Variants in HEPACAM observed in about 807,000 individuals in gnomAD.
HEPACAM encodes the protein hepatic and glial cell adhesion molecule, also known as hepatocyte cell adhesion molecule.
HEPACAM carries 18 observed loss-of-function variants against 38.3 expected under a neutral mutation model. The observed-to-expected ratio is 0.47, with a 90% CI of 0.33 to 0.70. The LOEUF is 0.70. HEPACAM is among the 30% of genes least tolerant of loss of function. The pLI, the probability that HEPACAM is intolerant of heterozygous loss-of-function variation, is 0.03. For synonymous variants in HEPACAM, 216 were observed against 243.1 expected (o/e 0.89, Z 1.04); for missense variants, 466 against 563.0 (o/e 0.83, Z 1.74).
In HEPACAM at chr11:124,920,900, G is replaced by T; in HGVS notation, c.*238C>A. ...TAAGAGGGCACAACCTATACCAAGT[G>T]AGGACACAGCCAGTAAACCGGAAGC... On this transcript the variant is annotated 3_prime_UTR_variant, in exon 7 of 7. Coordinates refer to ENST00000298251, the MANE Select transcript of HEPACAM (RefSeq NM_152722.5). The T allele has an allele frequency of 7.4e-7, 1 of 1,350,860 alleles. No homozygotes were observed. Among genetic ancestry groups the T allele is most frequent in the African/African-American group, 1.5e-5 (1 of 64,924 alleles). The allele number at this position is 1,350,860 out of a possible 1,614,324, so 83.7% of individuals were successfully genotyped here.
intron 5 of HEPACAM, 124 bp from the exon 6 acceptor site, chr11:124,922,582 C>T: frequency 1.2e-6 from 2 of 1,603,694 alleles, no homozygotes; most frequent in South Asian, 1.1e-5. Flanking sequence ...AATATCCTGG[C>T]TCCTACCTTG....
chr11:124,931,104 A>G (rs1336440573), intron 1 of HEPACAM, among the ~76,000 whole-genome samples: 2 of 152,266 alleles, frequency 1.3e-5, no homozygotes, highest in African/African-American at 4.8e-5. Flanking sequence ...TAAAAGGCTC[A>G]TATGCAAAAT....
chr11:124,920,569 T>TC lies in HEPACAM; in HGVS notation c.*568dup, dbSNP rs1947115223. 6 of 1,281,500 alleles carry TC rather than the reference T, an allele frequency of 4.7e-6. No homozygotes were observed. In the Admixed American group the frequency reaches 9.3e-5, roughly 20 times the overall value. The allele number at this position is 1,281,500 out of a possible 1,614,324, so 79.4% of individuals were successfully genotyped here. A position where few individuals can be genotyped will look rare whatever the true frequency, so the allele number is the denominator to read the frequency against. On this transcript the variant is annotated 3_prime_UTR_variant, in exon 7 of 7. Transcript: ENST00000298251. ...CCAGGGAAGAAGGCCTTCACAATGA[T>TC]CCCCCCAGCTCAGAACAGCCCCTGC...
At chr11:124,934,673 A>G (rs948125377) in intron 1 of HEPACAM, among the ~76,000 whole-genome samples, 1 of 151,980 alleles carries the variant, frequency 6.6e-6, no homozygotes, top group African/African-American at 2.4e-5. Flanking sequence ...TCTGGCTTCC[A>G]CGACTTTGAG....
intron 1 of HEPACAM, among the ~76,000 whole-genome samples, chr11:124,935,097 A>C (rs573814363): frequency 6.6e-6 from 1 of 152,236 alleles, no homozygotes; most frequent in South Asian, 2.1e-4. Flanking sequence ...TCCTTCTACC[A>C]GAAAACCTCC....
At chr11:124,922,313 G>A in intron 6 of HEPACAM, 75 bp downstream of exon 6, 1 of 1,406,698 alleles carries the variant, frequency 7.1e-7, no homozygotes, top group East Asian at 2.3e-5. Context: ...TAGGAATATA[G>A]TATGGCTCCC....
chr11:124,922,453 TGTC>T lies in HEPACAM; in HGVS notation c.880_882del (p.Asp294del), dbSNP rs1249981699. ...TCCTGCTCACCACTTCGAGGGAGGGTGTCTGCTGCACAGGGGAGAGAAGCGGGT... is the reference window on the plus strand; with the variant it reads ...TCCTGCTCACCACTTCGAGGGAGGGTTGCTGCACAGGGGAGAGAAGCGGGT... On this transcript the variant is annotated inframe_deletion and splice_region_variant, in exon 6 of 7. Transcript: ENST00000298251. 6.2e-7 allele frequency: 1 copy of T among 1,613,836 alleles called. No individual in the cohort carries two copies. The highest frequency in any genetic ancestry group is 1.7e-5 in the Admixed American group (1 of 59,986).
intron 1 of HEPACAM, among the ~76,000 whole-genome samples, chr11:124,927,780 A>C (rs1009912799): frequency 8.4e-4 from 127 of 151,922 alleles, no homozygotes; most frequent in African/African-American, 3.0e-3. Context: ...AATCCTAGCT[A>C]CTCTGGAGAC....
Position 124,919,395 on chromosome 11 carries a change from T to C in HEPACAM, c.*1743A>G. 1 of 261,822 alleles carries C rather than the reference T, an allele frequency of 3.8e-6. No homozygotes were observed. Among genetic ancestry groups the C allele is most frequent in the South Asian group, 9.0e-5 (1 of 11,140 alleles). 16.2% of individuals were successfully genotyped at this position (261,822 alleles called of 1,614,324 possible). A position where few individuals can be genotyped will look rare whatever the true frequency, so the allele number is the denominator to read the frequency against. On this transcript the variant is annotated 3_prime_UTR_variant, in exon 7 of 7. Coordinates refer to ENST00000298251, the MANE Select transcript of HEPACAM (RefSeq NM_152722.5). ...ACCCCCAATTTAAGGCAGATTTGGC[T>C]TAAGCCTGGCAAGCTGGCCCCTCAG...
chr11:124,919,806 A>T lies in HEPACAM; in HGVS notation c.*1332T>A, dbSNP rs539370875. On this transcript the variant is annotated 3_prime_UTR_variant, in exon 7 of 7. Coordinates refer to ENST00000298251, the MANE Select transcript of HEPACAM (RefSeq NM_152722.5). Reference sequence around the variant, plus strand: ...TGGGTTGATGGCGAATCAGAGCTGGAGTTTAGGAGACTAGGGATGCAAGGA... The same window carrying T: ...TGGGTTGATGGCGAATCAGAGCTGGTGTTTAGGAGACTAGGGATGCAAGGA... 11 of 1,614,160 alleles carry T rather than the reference A, an allele frequency of 6.8e-6. No individual in the cohort carries two copies. In the East Asian group the frequency reaches 2.0e-4, roughly 29 times the overall value.
In HEPACAM at chr11:124,921,319, G is replaced by C. The variant is rs1947134096; in HGVS notation, c.1070C>G (p.Ser357Cys). 7.8e-7 allele frequency: 1 copy of C among 1,286,230 alleles called. No individual in the cohort carries two copies. Among genetic ancestry groups the C allele is most frequent in the Non-Finnish European group, 9.8e-7 (1 of 1,022,648 alleles). The allele number at this position is 1,286,230 out of a possible 1,614,324, so 79.7% of individuals were successfully genotyped here. Residue 357 changes from serine to cysteine, a missense_variant, in exon 7 of 7, where the codon TCT becomes TGT. Ser to Cys is a moderately radical substitution (Grantham distance 112). Coordinates refer to ENST00000298251, the MANE Select transcript of HEPACAM (RefSeq NM_152722.5). The surrounding 1 kb of genome is among the most constrained non-coding windows in gnomAD (Gnocchi z 4.6). Reference protein sequence around the residue: ...PGRSPGLPIRSARRYPRSPAR... With the variant: ...PGRSPGLPIRCARRYPRSPAR... ...TGGGGAGCGCGGGTAGCGGCGGGCA[G>C]AGCGGATGGGCAGCCCCGGCGAGCG...
chr11:124,920,826 T>C lies in HEPACAM; in HGVS notation c.*312A>G. The C allele has an allele frequency of 2.6e-6, 3 of 1,165,684 alleles. No homozygotes were observed. The highest frequency in any genetic ancestry group is 3.2e-6 in the Non-Finnish European group (3 of 944,996). 72.2% of individuals were successfully genotyped at this position (1,165,684 alleles called of 1,614,324 possible). ...GTTAGGTTACTGATGTTAGTTTCCA[T>C]AAAACCCTTTTGGGTATTGGGCCAG... On this transcript the variant is annotated 3_prime_UTR_variant, in exon 7 of 7. Transcript: ENST00000298251.
At position 124,920,063 on chromosome 11, in the gene HEPACAM, G is replaced by A. The variant is rs1206191778; in HGVS notation, c.*1075C>T. On this transcript the variant is annotated 3_prime_UTR_variant, in exon 7 of 7. Transcript: ENST00000298251. ...CTGTGCCCTGGGACCTGAGCATGTG[G>A]GAGCAGGGCAGATGGGTGGCAGGAG... The A allele has an allele frequency of 1.3e-6, 2 of 1,586,394 alleles. No homozygotes were observed. The highest frequency in any genetic ancestry group is 1.7e-6 in the Non-Finnish European group (2 of 1,164,922).
Position 124,921,017 on chromosome 11 carries a change from C to A in HEPACAM, c.*121G>T. On this transcript the variant is annotated 3_prime_UTR_variant, in exon 7 of 7. Transcript: ENST00000298251. The surrounding 1 kb of genome is among the most constrained non-coding windows in gnomAD (Gnocchi z 4.6). ...TCATACACGTTCACACCCGAGACACCAGCGCCCCCCCGGGACCTCCCCTCG... is the reference window on the plus strand; with the variant it reads ...TCATACACGTTCACACCCGAGACACAAGCGCCCCCCCGGGACCTCCCCTCG... The A allele has an allele frequency of 7.1e-7, 1 of 1,404,482 alleles. No homozygotes were observed. The highest frequency in any genetic ancestry group is 9.2e-7 in the Non-Finnish European group (1 of 1,083,832). The allele number at this position is 1,404,482 out of a possible 1,614,324, so 87.0% of individuals were successfully genotyped here.
intron 1 of HEPACAM, among the ~76,000 whole-genome samples, chr11:124,935,272 CCTCA>C (rs1208398213): frequency 3.3e-5 from 5 of 151,888 alleles, no homozygotes; most frequent in African/African-American, 1.2e-4. Flanking sequence ...CATCTGTTTG[CCTCA>C]CTAAGTTGTG....
intron 5 of HEPACAM, 62 bp from the exon 6 acceptor site, chr11:124,922,520 C>T: frequency 6.3e-7 from 1 of 1,598,614 alleles, no homozygotes; most frequent in Non-Finnish European, 8.6e-7. Flanking sequence ...CAGCCGGCAC[C>T]TACTCTCTGT....
chr11:124,930,103 C>T (rs1403455782), intron 1 of HEPACAM, among the ~76,000 whole-genome samples: 1 of 152,214 alleles, frequency 6.6e-6, no homozygotes, highest in Non-Finnish European at 1.5e-5. Flanking sequence ...CATAGATACC[C>T]TTCCTTGGGC....
At chr11:124,935,143 A>G (rs1947327243) in intron 1 of HEPACAM, among the ~76,000 whole-genome samples, 1 of 151,966 alleles carries the variant, frequency 6.6e-6, no homozygotes, top group Non-Finnish European at 1.5e-5. Flanking sequence ...CTACCCTACC[A>G]ACACCCCCTC....
intron 1 of HEPACAM, among the ~76,000 whole-genome samples, chr11:124,933,075 C>G (rs1009844343): frequency 4.6e-5 from 7 of 152,138 alleles, no homozygotes; most frequent in Admixed American, 1.3e-4. Context: ...AATCTCAGCT[C>G]TTATTACTCT....
Sources: allele counts gnomAD v4.1 joint callset (sites outside exome capture counted in the v4.1 genomes callset), GRCh38; gene constraint gnomAD v4.1.1; non-coding constraint Gnocchi (gnomAD v3.1); transcripts MANE v1.5; gene names NCBI Gene and HGNC (gene_info 2026-07-23, HGNC 2026-07-21).